TRIM5: variants seen among roughly 807,000 people sequenced by gnomAD.
TRIM5 encodes the protein tripartite motif containing 5.
TRIM5 carries 31 observed loss-of-function variants against 35.6 expected under a neutral mutation model. The ratio of observed to expected loss-of-function variants is 0.87; its 90% CI spans 0.65 to 1.18. The LOEUF (loss-of-function observed/expected upper bound fraction) is 1.18, where lower values mean the gene tolerates loss of function less well. Ranked by LOEUF, TRIM5 falls within the 50% of genes most tolerant of loss-of-function variation. The pLI is 0.00. For synonymous variants in TRIM5, 243 were observed against 215.6 expected (o/e 1.13, Z -1.11); for missense variants, 609 against 591.6 (o/e 1.03, Z -0.31).
chr11:5,641,441 C>T, the TRIM5 span: 2 of 918,062 alleles, frequency 2.2e-6, no homozygotes, highest in Non-Finnish European at 3.0e-6. Context: ...AGGATGAGAG[C>T]TTTTACTGTC....
the TRIM5 span, among the ~76,000 whole-genome samples, chr11:5,636,816 A>G: frequency 7.2e-5 from 11 of 152,172 alleles, no homozygotes; most frequent in African/African-American, 2.7e-4. Context: ...CTTTTATCTG[A>G]GTAGGGACTT....
intron 1 of TRIM5, 60 bp from the exon 2 acceptor site, chr11:5,680,298 T>C (rs1852333707): frequency 5.8e-6 from 6 of 1,026,458 alleles, no homozygotes; most frequent in South Asian, 2.4e-5. Context: ...AGAAAGGATA[T>C]TGATTGTGCA....
the TRIM5 span, among the ~76,000 whole-genome samples, chr11:5,617,965 T>C: frequency 1.4e-5 from 2 of 141,428 alleles, no homozygotes; most frequent in Admixed American, 7.0e-5. Context: ...GCAACATTTT[T>C]ATTCATTTCT....
chr11:5,595,729 T>G, the TRIM5 span, among the ~76,000 whole-genome samples: 6 of 151,774 alleles, frequency 4.0e-5, no homozygotes, highest in African/African-American at 1.5e-4. Context: ...TCTTTTTTTT[T>G]TTTTTTGAGA....
chr11:5,665,076 C>T lies in TRIM5; in HGVS notation c.1215G>A (p.Glu405=), dbSNP rs907689247. The change falls in exon 8 of 8, where the codon GAG becomes GAA. Residue 405 remains glutamate, a synonymous_variant. Transcript: ENST00000380034. ...GGAAAGCACTACATTTAACTCCTTC[C>T]TCTAACCCTATAACCCAGTAGCCGT... The part of the protein sequence containing the change: ...PKYGYWVIGL[E]EGVKCSAFQD... 2 of 1,614,090 alleles carry T rather than the reference C, an allele frequency of 1.2e-6. No homozygotes were observed. Among genetic ancestry groups the T allele is most frequent in the African/African-American group, 1.3e-5 (1 of 75,022 alleles).
At chr11:5,649,628 A>G in the TRIM5 span, among the ~76,000 whole-genome samples, 3 of 152,192 alleles carry the variant, frequency 2.0e-5, no homozygotes, top group Non-Finnish European at 4.4e-5. Flanking sequence ...TTCTAGTTCA[A>G]TGAAATCATT....
the TRIM5 span, among the ~76,000 whole-genome samples, chr11:5,635,765 T>A: frequency 3.3e-5 from 5 of 152,338 alleles, no homozygotes; most frequent in East Asian, 1.9e-4. Context: ...CAGCTTTTTT[T>A]AAATTCCTTT....
In TRIM5 at chr11:5,664,594, A is replaced by G; in HGVS notation, c.*215T>C. On this transcript the variant is annotated 3_prime_UTR_variant, in exon 8 of 8. Transcript: ENST00000380034. ...TCAGTTTTCCTTAGGAGTACGGAAAATGATGAAAAAAATTGCTATCAAATG... is the reference window on the plus strand; with the variant it reads ...TCAGTTTTCCTTAGGAGTACGGAAAGTGATGAAAAAAATTGCTATCAAATG... The G allele has an allele frequency of 7.7e-7, 1 of 1,295,814 alleles. No homozygotes were observed. Among genetic ancestry groups the G allele is most frequent in the South Asian group, 2.5e-5 (1 of 39,638 alleles). 80.3% of individuals were successfully genotyped at this position (1,295,814 alleles called of 1,614,324 possible). A position where few individuals can be genotyped will look rare whatever the true frequency, so the allele number is the denominator to read the frequency against.
At chr11:5,650,722 G>T in the TRIM5 span, among the ~76,000 whole-genome samples, 1 of 152,162 alleles carries the variant, frequency 6.6e-6, no homozygotes, top group African/African-American at 2.4e-5. Flanking sequence ...TTGTTTGATG[G>T]ATCAGCTAAT....
At chr11:5,651,564 T>G in the TRIM5 span, among the ~76,000 whole-genome samples, 1 of 152,224 alleles carries the variant, frequency 6.6e-6, no homozygotes, top group Non-Finnish European at 1.5e-5. Context: ...TTAGGTTGTT[T>G]CCATGTATTT....
At chr11:5,615,182 C>T in the TRIM5 span, among the ~76,000 whole-genome samples, 12 of 152,152 alleles carry the variant, frequency 7.9e-5, no homozygotes, top group South Asian at 2.1e-4. Context: ...ACTTGTTTTA[C>T]GGTAAAGGAT....
At chr11:5,665,758 G>A in intron 6 of TRIM5, 76 bp from the exon 7 acceptor site, 4 of 1,473,486 alleles carry the variant, frequency 2.7e-6, no homozygotes, top group Non-Finnish European at 3.6e-6. Context: ...CTCCAGATTA[G>A]GGAAAGAGTA....
the TRIM5 span, among the ~76,000 whole-genome samples, chr11:5,623,756 C>T: frequency 6.6e-6 from 1 of 152,078 alleles, no homozygotes; most frequent in East Asian, 1.9e-4. Context: ...TAAAAGTAGT[C>T]AAAGCATATT....
chr11:5,596,884 T>G, the TRIM5 span: 1 of 1,614,090 alleles, frequency 6.2e-7, no homozygotes, highest in South Asian at 1.1e-5. Flanking sequence ...ACTTCTTGGC[T>G]TCTCATTCCC....
At chr11:5,608,444 C>G in the TRIM5 span, 8 of 1,608,884 alleles carry the variant, frequency 5.0e-6, no homozygotes, top group Non-Finnish European at 5.9e-6. Flanking sequence ...ACAAATGATT[C>G]CTTTACCCAT....
chr11:5,638,496 A>G, the TRIM5 span, among the ~76,000 whole-genome samples: 2 of 132,958 alleles, frequency 1.5e-5, no homozygotes, highest in Non-Finnish European at 3.1e-5. Context: ...TGGTGTCATG[A>G]AAGAGTTAAA....
chr11:5,679,834 C>T lies in TRIM5; in HGVS notation c.344G>A (p.Trp115Ter). The T allele has an allele frequency of 6.2e-7, 1 of 1,613,394 alleles. No homozygotes were observed. Among genetic ancestry groups the T allele is most frequent in the Non-Finnish European group, 8.5e-7 (1 of 1,179,874 alleles). Residue 115 changes from tryptophan to a stop codon, truncating the protein, a stop_gained, in exon 2 of 8, where the codon TGG (tryptophan) becomes TAG (stop). Transcript: ENST00000380034. LOFTEE classifies it high-confidence loss of function. ...GTGCTCCTGAGACCGCTCACAAAGC[C>T]AGCAAATGACCTTCCCGTCCTCCTG... ...FCQEDGKVIC[W>*]LCERSQEHRG...
chr11:5,602,982 AGACAGT>A, the TRIM5 span, among the ~76,000 whole-genome samples: 1 of 152,120 alleles, frequency 6.6e-6, no homozygotes, highest in Admixed American at 6.6e-5. Context: ...AAGATCACAC[AGACAGT>A]GACTCACACA....
intron 4 of TRIM5, among the ~76,000 whole-genome samples, chr11:5,668,042 T>C: frequency 6.6e-6 from 1 of 152,278 alleles, no homozygotes; most frequent in Middle Eastern, 3.4e-3. Context: ...AAATAATTAG[T>C]GCTTCTTTGA....
Sources: gnomAD v4.1 joint callset for allele counts (sites outside exome capture counted in the v4.1 genomes callset) on GRCh38, gnomAD v4.1.1 for gene constraint, MANE v1.5 for transcripts, NCBI Gene and HGNC (gene_info 2026-07-23, HGNC 2026-07-21) for gene names.